The following PRKG1 variants were observed in gnomAD, a reference collection of about 807,000 sequenced individuals.
PRKG1 encodes protein kinase cGMP-dependent 1, also known as cGMP-dependent protein kinase 1.
A neutral mutation model predicts 88.1 loss-of-function variants in PRKG1; 35 were observed. That is an observed-to-expected ratio of 0.40 (90% CI 0.30 to 0.53). The LOEUF (loss-of-function observed/expected upper bound fraction) is 0.53, where lower values mean the gene tolerates loss of function less well. PRKG1 is among the 20% of genes least tolerant of loss of function. PRKG1 has a pLI of 0.59. For synonymous variants in PRKG1, 303 were observed against 292.5 expected (o/e 1.04, Z -0.37); for missense variants, 540 against 839.8 (o/e 0.64, Z 4.41).
intron 3 of PRKG1, among the ~76,000 whole-genome samples, chr10:51,654,432 G>A (rs181379688): frequency 3.6e-4 from 54 of 152,072 alleles, no homozygotes; most frequent in African/African-American, 1.2e-3. Context: ...CTGTAGCTTC[G>A]TCATGTATCT....
chr10:51,281,426 C>A (rs539723151), intron 2 of PRKG1, among the ~76,000 whole-genome samples: 3 of 152,328 alleles, frequency 2.0e-5, no homozygotes, highest in Admixed American at 2.0e-4. Flanking sequence ...TATCCTGCAC[C>A]TGGCTCAGAG....
At chr10:51,481,209 T>C (rs293307) in intron 3 of PRKG1, among the ~76,000 whole-genome samples, 127,686 of 143,960 alleles carry the variant, frequency 0.89, 56,970 homozygotes, top group East Asian at 0.99. Flanking sequence ...CCCTCCCTCC[T>C]TTCGTTCCTT....
intron 3 of PRKG1, among the ~76,000 whole-genome samples, chr10:51,552,183 A>G (rs1564546395): frequency 6.6e-6 from 1 of 151,676 alleles, no homozygotes; most frequent in Non-Finnish European, 1.5e-5. Flanking sequence ...CACTAGAAAA[A>G]TCTTTAAATT....
At chr10:52,121,782 T>A (rs1270726764) in intron 7 of PRKG1, among the ~76,000 whole-genome samples, 2 of 152,190 alleles carry the variant, frequency 1.3e-5, no homozygotes, top group Non-Finnish European at 2.9e-5. Flanking sequence ...AATTAAGTAA[T>A]CTCTAAGAAG....
At chr10:51,555,839 G>A (rs1443630937) in intron 3 of PRKG1, among the ~76,000 whole-genome samples, 1 of 151,956 alleles carries the variant, frequency 6.6e-6, no homozygotes, top group Non-Finnish European at 1.5e-5. Flanking sequence ...CTGTATGATG[G>A]ATGAGCAGGA....
intron 9 of PRKG1, among the ~76,000 whole-genome samples, chr10:52,207,366 C>T (rs1207965532): frequency 1.3e-5 from 2 of 151,968 alleles, no homozygotes; most frequent in Non-Finnish European, 2.9e-5. Flanking sequence ...GGTTGGGCAT[C>T]CAAGGCTACA....
chr10:51,718,655 C>A (rs1033764469), intron 3 of PRKG1, among the ~76,000 whole-genome samples: 5 of 152,096 alleles, frequency 3.3e-5, no homozygotes, highest in Admixed American at 6.5e-5. Flanking sequence ...AAGTACAAAT[C>A]TTTCTTACAG....
intron 9 of PRKG1, among the ~76,000 whole-genome samples, chr10:52,188,448 A>G (rs1839277768): frequency 6.6e-6 from 1 of 151,096 alleles, no homozygotes; most frequent in Non-Finnish European, 1.5e-5. Flanking sequence ...ATCTGAGGCC[A>G]AGTGATCCTC....
chr10:50,997,217 T>C (rs1842845236), intron 1 of PRKG1, among the ~76,000 whole-genome samples: 1 of 152,170 alleles, frequency 6.6e-6, no homozygotes, highest in African/African-American at 2.4e-5. Context: ...TGAATTGAGG[T>C]CTTCAACTTA....
At chr10:52,117,175 T>TGTGTGTGTGC (rs1564475972) in intron 7 of PRKG1, among the ~76,000 whole-genome samples, 1 of 150,532 alleles carries the variant, frequency 6.6e-6, no homozygotes, top group African/African-American at 2.4e-5. Context: ...TGTGTGTGTG[T>TGTGTGTGTGC]GTGTGTGTGT....
At chr10:51,006,113 C>T (rs542093119) in intron 1 of PRKG1, among the ~76,000 whole-genome samples, 1 of 152,292 alleles carries the variant, frequency 6.6e-6, no homozygotes, top group Admixed American at 6.5e-5. Flanking sequence ...GCCCCAGTGC[C>T]TGTTTGCAGC....
intron 3 of PRKG1, among the ~76,000 whole-genome samples, chr10:51,684,821 C>G (rs1210007758): frequency 2.0e-5 from 3 of 152,106 alleles, no homozygotes; most frequent in Non-Finnish European, 4.4e-5. Context: ...GAGCCAAGAT[C>G]ACGCCATTGC....
At chr10:52,029,629 G>A (rs1289989004) in intron 5 of PRKG1, among the ~76,000 whole-genome samples, 1 of 152,156 alleles carries the variant, frequency 6.6e-6, no homozygotes, top group Non-Finnish European at 1.5e-5. Flanking sequence ...ACTTGACCAC[G>A]GCTGAACACT....
chr10:51,322,594 C>T (rs891404182), intron 2 of PRKG1, among the ~76,000 whole-genome samples: 1 of 152,192 alleles, frequency 6.6e-6, no homozygotes, highest in African/African-American at 2.4e-5. Context: ...TACGTTCTAG[C>T]ATTTTCTGAG....
At chr10:51,503,460 G>A (rs963938923) in intron 3 of PRKG1, among the ~76,000 whole-genome samples, 7 of 152,292 alleles carry the variant, frequency 4.6e-5, no homozygotes, top group South Asian at 2.1e-4. Context: ...ATGTCCTCAG[G>A]AGAGCTGCAC....
At chr10:51,259,982 A>G (rs888784982) in intron 2 of PRKG1, among the ~76,000 whole-genome samples, 1 of 152,198 alleles carries the variant, frequency 6.6e-6, no homozygotes, top group Admixed American at 6.5e-5. Flanking sequence ...AATATAGTAC[A>G]TTTCTGTACA....
At chr10:52,091,671 GTC>G (rs1428183728) in intron 7 of PRKG1, among the ~76,000 whole-genome samples, 1 of 152,182 alleles carries the variant, frequency 6.6e-6, no homozygotes, top group Non-Finnish European at 1.5e-5. Context: ...GGGTTAAACA[GTC>G]TTGGGTTGCG....
In PRKG1 at chr10:51,720,125, A is replaced by G. The variant is rs140661173; in HGVS notation, c.593-84460A>G. 2.0e-5 allele frequency among the ~76,000 whole-genome samples: 3 copies of G among 152,282 alleles called. No homozygotes were observed. In the East Asian group the frequency reaches 5.8e-4, roughly 29 times the overall value. ...AACTGTAATGAGTTATTTTTCGAAA[A>G]TACAGATATAGTCATGTCAATTCTC... On this transcript the variant is annotated intron_variant, in intron 3 of 17. Coordinates refer to ENST00000373980, the MANE Select transcript of PRKG1 (RefSeq NM_006258.4).
intron 3 of PRKG1, among the ~76,000 whole-genome samples, chr10:51,678,768 C>T (rs1840772682): frequency 6.6e-6 from 1 of 152,100 alleles, no homozygotes; most frequent in African/African-American, 2.4e-5. Context: ...AACACATGAT[C>T]CCTGGAGCTC....
Sources: allele counts gnomAD v4.1 joint callset (sites outside exome capture counted in the v4.1 genomes callset), GRCh38; gene constraint gnomAD v4.1.1; transcripts MANE v1.5; gene names NCBI Gene and HGNC (gene_info 2026-07-23, HGNC 2026-07-21).